The following DAD1 variants were observed in gnomAD, a reference collection of about 807,000 sequenced individuals.
The protein encoded by DAD1 is defender against cell death 1, also known as dolichyl-diphosphooligosaccharide--protein glycosyltransferase subunit DAD1.
Under a neutral mutation model 9.0 loss-of-function variants are expected in DAD1, and 4 were observed. The observed-to-expected ratio is 0.44, with a 90% confidence interval of 0.22 to 1.01. The LOEUF is 1.01. DAD1 is among the 50% of genes least tolerant of loss of function. DAD1 has a pLI of 0.24. For missense variants in DAD1, 119 were observed against 137.3 expected, an observed-to-expected ratio of 0.87 and a Z score of 0.67; for synonymous variants, 60 against 62.5, an observed-to-expected ratio of 0.96 and a Z score of 0.19.
At chr14:22,583,464 TGAA>T (rs1213649789) in intron 1 of DAD1, among the ~76,000 whole-genome samples, 2 of 151,970 alleles carry the variant, frequency 1.3e-5, no homozygotes. Context: ...AGTAATTCAG[TGAA>T]GTAGTGAGGA....
chr14:22,579,444 A>C (rs1340369092), intron 1 of DAD1, among the ~76,000 whole-genome samples: 5 of 152,328 alleles, frequency 3.3e-5, no homozygotes, highest in Admixed American at 6.5e-5. Flanking sequence ...ATTATGCTTA[A>C]ACATGTAAAC....
rs763078200 is a variant in DAD1 at position 22,589,138 on chromosome 14, G to C, written c.20C>G (p.Ser7Cys). 21 of 1,614,096 alleles carry C rather than the reference G, an allele frequency of 1.3e-5. No individual in the cohort carries two copies. Among genetic ancestry groups the C allele is most frequent in the Non-Finnish European group, 1.7e-5 (20 of 1,180,044 alleles). The change falls in exon 1 of 3, where the codon TCT (serine) becomes TGT (cysteine). Residue 7 changes from serine to cysteine, a missense_variant. Transcript: ENST00000250498. The part of the protein sequence containing the change: MSASVV[S>C]VISRFLEEYL... ...CTCTTCTAAGAACCGCGAAATGACA[G>C]ACACTACCGACGCCGACATAACTGC...
intron 2 of DAD1, among the ~76,000 whole-genome samples, chr14:22,569,653 G>A (rs181324360): frequency 3.3e-5 from 5 of 152,300 alleles, no homozygotes; most frequent in Admixed American, 1.3e-4. Flanking sequence ...TGGGAGGATG[G>A]AGAAAATAAG....
At chr14:22,573,709 CAAA>C (rs553176098) in intron 2 of DAD1, among the ~76,000 whole-genome samples, 2 of 44,518 alleles carry the variant, frequency 4.5e-5, no homozygotes, top group Non-Finnish European at 4.7e-5. Flanking sequence ...GACTCCATCT[CAAA>C]AAAAAAAAAA....
At position 22,581,837 on chromosome 14, in the gene DAD1, T is replaced by A. The variant is rs374936434; in HGVS notation, c.212-6604A>T. ...CACAAGGGCCAAATCCTGAGGGGCA[T>A]GGTAAGCCTCAGAAAACAGTACGGA... On this transcript the variant is annotated intron_variant, in intron 1 of 2. Coordinates refer to ENST00000250498, the MANE Select transcript of DAD1 (RefSeq NM_001344.4). Among the ~76,000 whole-genome samples the A allele has an allele frequency of 4.1e-5, 6 of 148,008 alleles. No homozygotes were observed. The South Asian group carries it at 8.6e-4, about 21-fold the overall frequency.
At chr14:22,582,358 C>CA (rs558611163) in intron 1 of DAD1, among the ~76,000 whole-genome samples, 234 of 111,046 alleles carry the variant, frequency 2.1e-3, no homozygotes, top group Middle Eastern at 6.6e-3. Context: ...CTAAAAAATA[C>CA]AAAAAAAAAA....
At chr14:22,582,307 G>A (rs1341620445) in intron 1 of DAD1, among the ~76,000 whole-genome samples, 1 of 150,708 alleles carries the variant, frequency 6.6e-6, no homozygotes, top group East Asian at 2.0e-4. Flanking sequence ...AAGGTCAGGA[G>A]ATCGAGACCA....
intron 1 of DAD1, among the ~76,000 whole-genome samples, chr14:22,587,395 C>T (rs543029101): frequency 2.0e-5 from 3 of 152,236 alleles, no homozygotes; most frequent in Non-Finnish European, 4.4e-5. Context: ...GTTCCTTCTC[C>T]GGGCTGGCTA....
In DAD1 at chr14:22,589,153, G is replaced by C. The variant is rs11550455; in HGVS notation, c.5C>G (p.Ser2Trp). 3.1e-6 allele frequency: 5 copies of C among 1,614,094 alleles called. No individual in the cohort carries two copies. Among genetic ancestry groups the C allele is most frequent in the South Asian group, 2.2e-5 (2 of 91,042 alleles). Residue 2 changes from serine to tryptophan, a missense_variant, in exon 1 of 3, where the codon TCG becomes TGG. Transcript: ENST00000250498. Reference sequence around the variant, plus strand: ...CGAAATGACAGACACTACCGACGCCGACATAACTGCACGCAAGGTACTCCG... The same window carrying C: ...CGAAATGACAGACACTACCGACGCCCACATAACTGCACGCAAGGTACTCCG... Reference protein sequence around the residue: MSASVVSVISRF... With the variant: MWASVVSVISRF...
At position 22,569,393 on chromosome 14, in the gene DAD1, A is replaced by G. The variant is rs867907524; in HGVS notation, c.*45-4256T>C. Among the ~76,000 whole-genome samples the G allele has an allele frequency of 3.7e-4, 56 of 151,504 alleles. 1 individual carries two copies. The highest frequency in any genetic ancestry group is 2.1e-3 in the South Asian group (10 of 4,802). On this transcript the variant is annotated intron_variant, in intron 2 of 2. Transcript: ENST00000250498. The stretch of plus-strand genomic sequence containing the variant: ...GGTTATAGTGAGCCAAGATCATGCC[A>G]CTGCACTACAGCCTGGACAACAAAG...
At chr14:22,583,761 C>T (rs1014847080) in intron 1 of DAD1, among the ~76,000 whole-genome samples, 2 of 151,994 alleles carry the variant, frequency 1.3e-5, no homozygotes, top group Non-Finnish European at 2.9e-5. Flanking sequence ...TCTGCACAAG[C>T]AGAGCTTTCA....
At chr14:22,570,068 T>C (rs2037027865) in intron 2 of DAD1, among the ~76,000 whole-genome samples, 1 of 152,166 alleles carries the variant, frequency 6.6e-6, no homozygotes, top group African/African-American at 2.4e-5. Context: ...TGTAGGACAG[T>C]TCCCTCTGAG....
chr14:22,582,679 C>A (rs570001291), intron 1 of DAD1, among the ~76,000 whole-genome samples: 1 of 151,924 alleles, frequency 6.6e-6, no homozygotes, highest in South Asian at 2.1e-4. Context: ...TAAGAGAAAT[C>A]AAGGGACCCC....
At chr14:22,586,251 A>C (rs1443639203) in intron 1 of DAD1, among the ~76,000 whole-genome samples, 1 of 152,100 alleles carries the variant, frequency 6.6e-6, no homozygotes, top group East Asian at 1.9e-4. Context: ...TACAGGATAA[A>C]GTCCAAATTC....
At chr14:22,573,679 C>T (rs1230792767) in intron 2 of DAD1, among the ~76,000 whole-genome samples, 1 of 110,122 alleles carries the variant, frequency 9.1e-6, no homozygotes, top group Admixed American at 9.7e-5. Flanking sequence ...CACTGCACTC[C>T]AGCCTGGGTA....
intron 1 of DAD1, among the ~76,000 whole-genome samples, chr14:22,587,442 T>C (rs1363698347): frequency 6.6e-6 from 1 of 152,012 alleles, no homozygotes; most frequent in African/African-American, 2.4e-5. Flanking sequence ...GGGCGGTGGG[T>C]GGGTGGTGGA....
chr14:22,576,912 T>C (rs1355790778), intron 1 of DAD1, among the ~76,000 whole-genome samples: 4 of 152,050 alleles, frequency 2.6e-5, no homozygotes, highest in African/African-American at 9.6e-5. Context: ...CAAATCAAAA[T>C]TACAACGAGA....
In DAD1 at chr14:22,588,282, G is replaced by A. The variant is rs79933183; in HGVS notation, c.211+665C>T. Reference sequence around the variant, plus strand: ...TTTCAGTATTCACTGAATCCCCGTTGGGCAAGAAAAGTCAGATTTTAACAA... The same window carrying A: ...TTTCAGTATTCACTGAATCCCCGTTAGGCAAGAAAAGTCAGATTTTAACAA... On this transcript the variant is annotated intron_variant, in intron 1 of 2. Transcript: ENST00000250498. Among the ~76,000 whole-genome samples the A allele has an allele frequency of 1.8e-3, 275 of 152,312 alleles. 2 individuals are homozygous for A. Among genetic ancestry groups the A allele is most frequent in the African/African-American group, 6.4e-3 (267 of 41,558 alleles).
At chr14:22,566,755 T>C (rs1407353552) in intron 2 of DAD1, among the ~76,000 whole-genome samples, 4 of 152,212 alleles carry the variant, frequency 2.6e-5, no homozygotes. Flanking sequence ...AGTTTAAAGA[T>C]TTTATTATAT....
Sources: allele counts gnomAD v4.1 joint callset (sites outside exome capture counted in the v4.1 genomes callset), GRCh38; gene constraint gnomAD v4.1.1; transcripts MANE v1.5; gene names NCBI Gene and HGNC (gene_info 2026-07-23, HGNC 2026-07-21).